Variants in CELF4 observed in about 807,000 individuals in gnomAD.
CELF4 encodes the protein CUG-BP- and ETR-3-like factor 4.
In CELF4, 18 loss-of-function variants were observed where a neutral mutation model predicts 59.9. That is an observed-to-expected ratio of 0.30 (90% CI 0.21 to 0.45). CELF4 has a LOEUF of 0.45. Among genes scored for constraint, CELF4 ranks in the 20% least tolerant of loss-of-function variants. The pLI, the probability that CELF4 is intolerant of heterozygous loss-of-function variation, is 1.00. For synonymous variants in CELF4, 261 were observed against 267.1 expected (o/e 0.98, Z 0.22); for missense variants, 456 against 689.0 (o/e 0.66, Z 3.79).
intron 2 of CELF4, among the ~76,000 whole-genome samples, chr18:37,376,153 T>C (rs980744076): frequency 6.6e-6 from 1 of 152,176 alleles, no homozygotes; most frequent in Non-Finnish European, 1.5e-5. Context: ...TCTTTCTTCC[T>C]GACCAGCCCT....
chr18:37,329,339 C>T (rs1569565058), intron 2 of CELF4, among the ~76,000 whole-genome samples: 1 of 152,222 alleles, frequency 6.6e-6, no homozygotes, highest in Non-Finnish European at 1.5e-5. Flanking sequence ...GGTCCCTTCT[C>T]ATTGGCCATG....
At chr18:37,394,219 C>G (rs963393756) in intron 2 of CELF4, among the ~76,000 whole-genome samples, 1 of 152,282 alleles carries the variant, frequency 6.6e-6, no homozygotes, top group South Asian at 2.1e-4. Context: ...CCACCTCCCA[C>G]TCTGGACAGG....
intron 2 of CELF4, among the ~76,000 whole-genome samples, chr18:37,394,315 G>A (rs2099211333): frequency 6.6e-6 from 1 of 152,218 alleles, no homozygotes; most frequent in African/African-American, 2.4e-5. Context: ...GGACGGAATT[G>A]GGCGGCTTCT....
At chr18:37,466,033 G>C (rs2099807514) in intron 2 of CELF4, among the ~76,000 whole-genome samples, 1 of 152,190 alleles carries the variant, frequency 6.6e-6, no homozygotes, top group African/African-American at 2.4e-5. Flanking sequence ...ATTTAACCGG[G>C]TTCCTTCTTC....
intron 9 of CELF4, among the ~76,000 whole-genome samples, chr18:37,265,950 C>T (rs1000060521): frequency 1.3e-5 from 2 of 152,144 alleles, no homozygotes; most frequent in Non-Finnish European, 2.9e-5. Flanking sequence ...GCTGACAGCT[C>T]GGCTTAGGCT....
At chr18:37,550,070 G>A (rs1453237035) in intron 1 of CELF4, among the ~76,000 whole-genome samples, 1 of 96,476 alleles carries the variant, frequency 1.0e-5, no homozygotes, top group Non-Finnish European at 2.3e-5. Flanking sequence ...AACTGGCAAT[G>A]TGGTCCAATG....
chr18:37,418,817 T>C (rs1217433116), intron 2 of CELF4, among the ~76,000 whole-genome samples: 1 of 152,238 alleles, frequency 6.6e-6, no homozygotes, highest in Non-Finnish European at 1.5e-5. Context: ...CAAAGGCTCA[T>C]AGCTTCTCAA....
intron 1 of CELF4, among the ~76,000 whole-genome samples, chr18:37,494,869 G>A (rs1367407886): frequency 2.0e-5 from 3 of 152,126 alleles, no homozygotes; most frequent in South Asian, 2.1e-4. Context: ...CAATCCTGTG[G>A]CCTTCTCTTG....
intron 1 of CELF4, among the ~76,000 whole-genome samples, chr18:37,497,383 G>A (rs943721895): frequency 6.6e-6 from 1 of 152,244 alleles, no homozygotes; most frequent in Non-Finnish European, 1.5e-5. Context: ...GCTGGGTGTA[G>A]TGGCTCAGGC....
intron 1 of CELF4, among the ~76,000 whole-genome samples, chr18:37,505,250 C>T (rs1353048732): frequency 6.6e-6 from 1 of 152,214 alleles, no homozygotes; most frequent in South Asian, 2.1e-4. Context: ...GTGACTGGGG[C>T]CAGCCAGGCC....
At chr18:37,272,587 A>C (rs1254499566) in intron 7 of CELF4, among the ~76,000 whole-genome samples, 1 of 151,422 alleles carries the variant, frequency 6.6e-6, no homozygotes, top group African/African-American at 2.4e-5. Flanking sequence ...AAAAAAAAAA[A>C]AAAAAAAGAC....
intron 1 of CELF4, among the ~76,000 whole-genome samples, chr18:37,545,228 G>A (rs1568010898): frequency 6.6e-6 from 1 of 152,174 alleles, no homozygotes. Context: ...GTGTCCTCAG[G>A]GGCAAGAGTG....
chr18:37,291,000 C>G (rs901688788), intron 3 of CELF4, among the ~76,000 whole-genome samples: 1 of 152,190 alleles, frequency 6.6e-6, no homozygotes, highest in Non-Finnish European at 1.5e-5. Flanking sequence ...ACCTCCGCCT[C>G]CCGGGTTCAA....
chr18:37,561,217 C>T (rs959400336), intron 1 of CELF4, among the ~76,000 whole-genome samples: 16 of 152,154 alleles, frequency 1.1e-4, no homozygotes, highest in African/African-American at 3.9e-4. Flanking sequence ...GATTTTCCTC[C>T]ATGTAGCTGA....
At chr18:37,321,729 C>T (rs1010255659) in intron 3 of CELF4, 74 bp downstream of exon 3, 12 of 1,110,154 alleles carry the variant, frequency 1.1e-5, no homozygotes, top group South Asian at 8.5e-5. Context: ...GTCGCTGCAT[C>T]GCCTTGCTGC....
At chr18:37,562,663 C>T (rs981952587) in intron 1 of CELF4, among the ~76,000 whole-genome samples, 2 of 152,112 alleles carry the variant, frequency 1.3e-5, no homozygotes, top group Non-Finnish European at 2.9e-5. Flanking sequence ...CAATGGCAAG[C>T]GAGTAATTTT....
At chr18:37,319,738 G>T (rs1464736031) in intron 3 of CELF4, among the ~76,000 whole-genome samples, 1 of 152,250 alleles carries the variant, frequency 6.6e-6, no homozygotes, top group Admixed American at 6.5e-5. Flanking sequence ...TGAGAAATGA[G>T]GGGGAGAGAA....
At chr18:37,470,887 T>TGTGTGAGAGAGAGA in intron 2 of CELF4, among the ~76,000 whole-genome samples, 1 of 71,928 alleles carries the variant, frequency 1.4e-5, no homozygotes, top group Non-Finnish European at 2.7e-5. Flanking sequence ...TGTGTGTGTG[T>TGTGTGAGAGAGAGA]GACAGAGAGA....
At chr18:37,510,422 G>T (rs900667325) in intron 1 of CELF4, among the ~76,000 whole-genome samples, 9 of 152,198 alleles carry the variant, frequency 5.9e-5, no homozygotes, top group Non-Finnish European at 1.0e-4. Flanking sequence ...TGGCACTTGG[G>T]TGCCTCAGCT....
Sources: allele counts gnomAD v4.1 joint callset (sites outside exome capture counted in the v4.1 genomes callset), GRCh38; gene constraint gnomAD v4.1.1; transcripts MANE v1.5; gene names NCBI Gene and HGNC (gene_info 2026-07-23, HGNC 2026-07-21).